R3HDM1: variants seen among roughly 807,000 people sequenced by gnomAD.
R3HDM1 encodes R3H domain-containing protein 1.
In R3HDM1, 46 loss-of-function variants were observed where a neutral mutation model predicts 141.1. The ratio of observed to expected loss-of-function variants is 0.33; its 90% CI spans 0.26 to 0.42. The LOEUF (loss-of-function observed/expected upper bound fraction) is 0.42, where lower values mean the gene tolerates loss of function less well. Among genes scored for constraint, R3HDM1 ranks in the 10% least tolerant of loss-of-function variants. The probability of loss-of-function intolerance (pLI) is 1.00; values close to 1 mark genes in which losing one functional copy is unlikely to be tolerated. For synonymous variants in R3HDM1, 435 were observed against 472.9 expected (o/e 0.92, Z 1.04); for missense variants, 1,184 against 1,368.3 (o/e 0.87, Z 2.12).
At chr2:135,722,031 G>A (rs760068479) in intron 25 of R3HDM1, 25 bp downstream of exon 25, 1 of 1,591,350 alleles carries the variant, frequency 6.3e-7, no homozygotes, top group Non-Finnish European at 8.6e-7. Context: ...TAACCTCCTA[G>A]GCTTTGTTGC....
chr2:135,582,291 A>G (rs1706991893), intron 1 of R3HDM1, among the ~76,000 whole-genome samples: 1 of 152,202 alleles, frequency 6.6e-6, no homozygotes, highest in Admixed American at 6.5e-5. Context: ...AGATTGCACC[A>G]TTGCACTCCA....
intron 3 of R3HDM1, among the ~76,000 whole-genome samples, chr2:135,612,394 AT>A (rs933979060): frequency 6.6e-6 from 1 of 152,108 alleles, no homozygotes; most frequent in Non-Finnish European, 1.5e-5. Flanking sequence ...AATTATTCCT[AT>A]TTTTTAAATG....
intron 7 of R3HDM1, among the ~76,000 whole-genome samples, chr2:135,625,480 CAG>C (rs1468282563): frequency 6.6e-6 from 1 of 152,042 alleles, no homozygotes; most frequent in Admixed American, 6.6e-5. Context: ...AATAAAATAA[CAG>C]AGGGATATGA....
chr2:135,683,573 T>A (rs868847589), intron 21 of R3HDM1, among the ~76,000 whole-genome samples: 8 of 122,426 alleles, frequency 6.5e-5, no homozygotes, highest in Admixed American at 1.7e-4. Flanking sequence ...AAAAAAAAAA[T>A]TCATTAAAGA....
Position 135,581,377 on chromosome 2 carries a change from C to T in R3HDM1, c.-249-21123C>T, listed in dbSNP as rs79162958. 5.2e-3 allele frequency: 5,154 copies of T among 984,890 alleles called. 20 individuals are homozygous for T. Among genetic ancestry groups the T allele is most frequent in the Admixed American group, 0.013 (211 of 16,264 alleles). The allele number at this position is 984,890 out of a possible 1,614,324, so 61.0% of individuals were successfully genotyped here. The stretch of plus-strand genomic sequence containing the variant: ...GTGGAACATTTCACTTTACCTTTAA[C>T]GGTCTTGGTGCCTTATTTCTATAAT... On this transcript the variant is annotated intron_variant, in intron 1 of 26. Transcript: ENST00000683871.
chr2:135,541,868 A>AAAAGAAAG (rs1553518082), intron 1 of R3HDM1, among the ~76,000 whole-genome samples: 5 of 143,878 alleles, frequency 3.5e-5, no homozygotes, highest in South Asian at 2.2e-4. Context: ...AAAAAAAAAA[A>AAAAGAAAG]AAAGAAAGAA....
At chr2:135,586,979 C>G in intron 1 of R3HDM1, 3 of 985,076 alleles carry the variant, frequency 3.0e-6, no homozygotes, top group Non-Finnish European at 3.6e-6. Context: ...TCTTAACTTT[C>G]AAAACTCATG....
chr2:135,670,846 C>T (rs1458060256), intron 19 of R3HDM1, among the ~76,000 whole-genome samples: 1 of 151,936 alleles, frequency 6.6e-6, no homozygotes, highest in Non-Finnish European at 1.5e-5. Context: ...TCACTCTGAG[C>T]TCAGGAGTTC....
intron 19 of R3HDM1, among the ~76,000 whole-genome samples, chr2:135,662,990 A>T (rs2066933186): frequency 6.6e-6 from 1 of 152,090 alleles, no homozygotes; most frequent in Non-Finnish European, 1.5e-5. Context: ...GCAAGCAAAA[A>T]TCCTTTGTTC....
chr2:135,573,262 A>T (rs1292989070), intron 1 of R3HDM1, among the ~76,000 whole-genome samples: 1 of 152,212 alleles, frequency 6.6e-6, no homozygotes, highest in East Asian at 1.9e-4. Flanking sequence ...CCTTCAAATA[A>T]ATATAGAATA....
Position 135,667,841 on chromosome 2 carries a change from C to T in R3HDM1, c.2152+6448C>T, listed in dbSNP as rs1344719984. ...TATGAGAACTCTGTACCCACTCTTG[C>T]TTTTGTCTGAATAATTAGACAAGGA... On this transcript the variant is annotated intron_variant, in intron 19 of 26. Transcript: ENST00000683871. The T allele has an allele frequency of 5.9e-6, 5 of 849,208 alleles. No homozygotes were observed. In the African/African-American group the frequency reaches 9.2e-5, roughly 16 times the overall value. 52.6% of individuals were successfully genotyped at this position (849,208 alleles called of 1,614,324 possible).
chr2:135,701,025 T>C (rs937072325), intron 21 of R3HDM1, among the ~76,000 whole-genome samples: 11 of 152,124 alleles, frequency 7.2e-5, no homozygotes, highest in South Asian at 6.2e-4. Context: ...GATAGATTAA[T>C]AACTAATGAT....
rs566543311 is a variant in R3HDM1 at position 135,720,767 on chromosome 2, A to C, written c.2882-1157A>C. Among the ~76,000 whole-genome samples, 21 of 152,332 alleles carry C rather than the reference A, an allele frequency of 1.4e-4. No individual in the cohort carries two copies. In the South Asian group the frequency reaches 4.4e-3, roughly 32 times the overall value. The stretch of plus-strand genomic sequence containing the variant: ...AACTACCCATTGGTTAAAACTATTA[A>C]AGTGTGTTTGAGTATATGTAAATGT... On this transcript the variant is annotated intron_variant, in intron 24 of 26. Transcript: ENST00000683871.
chr2:135,694,049 A>AT (rs1387952819), intron 21 of R3HDM1, among the ~76,000 whole-genome samples: 1 of 152,222 alleles, frequency 6.6e-6, no homozygotes, highest in Non-Finnish European at 1.5e-5. Flanking sequence ...AAAAGGAATG[A>AT]TTCTCTAAAT....
At chr2:135,545,202 A>G (rs1159688420) in intron 1 of R3HDM1, among the ~76,000 whole-genome samples, 1 of 152,230 alleles carries the variant, frequency 6.6e-6, no homozygotes, top group Non-Finnish European at 1.5e-5. Flanking sequence ...GGATTCACTC[A>G]GCATTCATTC....
At chr2:135,703,323 T>G (rs2074486803) in intron 21 of R3HDM1, among the ~76,000 whole-genome samples, 1 of 152,200 alleles carries the variant, frequency 6.6e-6, no homozygotes, top group Non-Finnish European at 1.5e-5. Flanking sequence ...CTTCTAAGTT[T>G]CCTAGTAAAA....
chr2:135,664,335 CCA>C (rs2067185892), intron 19 of R3HDM1, among the ~76,000 whole-genome samples: 1 of 152,004 alleles, frequency 6.6e-6, no homozygotes, highest in South Asian at 2.1e-4. Flanking sequence ...CTTGCTTACC[CCA>C]CAGTGTCAAG....
At chr2:135,614,105 C>T (rs1381873967) in intron 3 of R3HDM1, among the ~76,000 whole-genome samples, 3 of 152,186 alleles carry the variant, frequency 2.0e-5, no homozygotes, top group East Asian at 3.9e-4. Context: ...ACCTGGTGTA[C>T]AGCAGGAACC....
chr2:135,577,160 T>C, intron 1 of R3HDM1: 1 of 982,790 alleles, frequency 1.0e-6, no homozygotes, highest in Non-Finnish European at 1.2e-6. Context: ...AAAAAGGCTT[T>C]TGGGCTATGA....
Sources: allele counts gnomAD v4.1 joint callset (sites outside exome capture counted in the v4.1 genomes callset), GRCh38; gene constraint gnomAD v4.1.1; transcripts MANE v1.5; gene names NCBI Gene and HGNC (gene_info 2026-07-23, HGNC 2026-07-21).